The following DIAPH3 variants were observed in gnomAD, a reference collection of about 807,000 sequenced individuals.
The protein encoded by DIAPH3 is protein diaphanous homolog 3.
A neutral mutation model predicts 144.3 loss-of-function variants in DIAPH3; 117 were observed. The ratio of observed to expected loss-of-function variants is 0.81; its 90% confidence interval spans 0.70 to 0.95. The LOEUF is 0.95. Among genes scored for constraint, DIAPH3 ranks in the 40% least tolerant of loss-of-function variants. The probability of loss-of-function intolerance (pLI) is 0.00; values close to 1 mark genes in which losing one functional copy is unlikely to be tolerated. For missense variants in DIAPH3, 1,421 were observed against 1,412.7 expected (o/e 1.01, Z -0.09); for synonymous variants, 519 against 488.9 (o/e 1.06, Z -0.81).
intron 27 of DIAPH3, among the ~76,000 whole-genome samples, chr13:59,737,445 T>A (rs2036211880): frequency 6.6e-6 from 1 of 152,158 alleles, no homozygotes; most frequent in Non-Finnish European, 1.5e-5. Context: ...AAGCTAAGCA[T>A]CAGACATAGA....
intron 20 of DIAPH3, among the ~76,000 whole-genome samples, chr13:59,890,683 C>A (rs2045733852): frequency 6.6e-6 from 1 of 151,638 alleles, no homozygotes; most frequent in African/African-American, 2.4e-5. Context: ...CACATATATA[C>A]ATATATGTAT....
chr13:60,082,278 A>C (rs1361139455), intron 4 of DIAPH3, among the ~76,000 whole-genome samples: 1 of 151,854 alleles, frequency 6.6e-6, no homozygotes. Context: ...AATAAAGAAT[A>C]AGATAAAAAG....
chr13:59,931,535 A>G (rs2032436950), intron 17 of DIAPH3, among the ~76,000 whole-genome samples: 1 of 152,114 alleles, frequency 6.6e-6, no homozygotes, highest in South Asian at 2.1e-4. Context: ...CTCTTCCTCC[A>G]TTAGAAGATA....
intron 3 of DIAPH3, among the ~76,000 whole-genome samples, chr13:60,104,820 G>A (rs539372758): frequency 1.3e-5 from 2 of 152,118 alleles, no homozygotes; most frequent in South Asian, 2.1e-4. Flanking sequence ...GGCCAGGCGC[G>A]GTGGCTCACG....
intron 2 of DIAPH3, among the ~76,000 whole-genome samples, chr13:60,128,114 T>C (rs1408964026): frequency 1.3e-5 from 2 of 152,154 alleles, no homozygotes; most frequent in African/African-American, 2.4e-5. Context: ...TTTGTGTCCA[T>C]GTGTTCTCAT....
chr13:60,162,809 T>TCA (rs35687460), intron 1 of DIAPH3, among the ~76,000 whole-genome samples: 6,334 of 122,350 alleles, frequency 0.052, 176 homozygotes, highest in East Asian at 0.15. Flanking sequence ...TCTCTCTCTC[T>TCA]CACACACACA....
intron 27 of DIAPH3, among the ~76,000 whole-genome samples, chr13:59,733,501 A>C (rs1043014247): frequency 1.3e-5 from 2 of 152,236 alleles, no homozygotes; most frequent in South Asian, 4.1e-4. Flanking sequence ...GATTTCTGAA[A>C]AAAAGTCCTT....
At chr13:59,950,707 A>C (rs1309305667) in intron 17 of DIAPH3, among the ~76,000 whole-genome samples, 1 of 152,142 alleles carries the variant, frequency 6.6e-6, no homozygotes, top group Non-Finnish European at 1.5e-5. Flanking sequence ...TAATTATCCC[A>C]ATTAAAATCA....
intron 22 of DIAPH3, among the ~76,000 whole-genome samples, chr13:59,846,115 G>A (rs963745976): frequency 2.0e-5 from 3 of 151,878 alleles, no homozygotes; most frequent in South Asian, 4.1e-4. Flanking sequence ...AGTTAAAATC[G>A]AAACTATAAA....
chr13:60,029,894 G>C (rs553324679), intron 5 of DIAPH3, among the ~76,000 whole-genome samples: 1 of 152,076 alleles, frequency 6.6e-6, no homozygotes, highest in Non-Finnish European at 1.5e-5. Context: ...ACCCTACCAC[G>C]AGCTTTATGG....
intron 4 of DIAPH3, among the ~76,000 whole-genome samples, chr13:60,090,580 T>A (rs1278322335): frequency 6.6e-6 from 1 of 152,224 alleles, no homozygotes; most frequent in Non-Finnish European, 1.5e-5. Flanking sequence ...TTATCCTGTG[T>A]CCTTTTCATA....
chr13:59,729,236 T>C (rs1279943408), intron 27 of DIAPH3, among the ~76,000 whole-genome samples: 1 of 152,188 alleles, frequency 6.6e-6, no homozygotes, highest in Non-Finnish European at 1.5e-5. Context: ...AGCATGATCC[T>C]AGGTACGTAT....
intron 2 of DIAPH3, among the ~76,000 whole-genome samples, chr13:60,131,382 G>GTCATGA (rs2059132746): frequency 7.3e-6 from 1 of 136,374 alleles, no homozygotes; most frequent in Non-Finnish European, 1.5e-5. Context: ...ACTGCAGTGA[G>GTCATGA]TCATGATCAT....
intron 13 of DIAPH3, among the ~76,000 whole-genome samples, chr13:59,981,598 C>A (rs1156291611): frequency 1.3e-5 from 2 of 149,900 alleles, no homozygotes; most frequent in Admixed American, 1.3e-4. Flanking sequence ...TGATAGAATA[C>A]AATGTAGAAG....
intron 27 of DIAPH3, among the ~76,000 whole-genome samples, chr13:59,732,465 C>T (rs1399122510): frequency 3.3e-5 from 5 of 150,166 alleles, no homozygotes; most frequent in Non-Finnish European, 7.4e-5. Context: ...TTTTTTGAGA[C>T]AGAGTCTCAC....
chr13:59,879,537 G>A (rs2044868694), intron 20 of DIAPH3, 69 bp from the exon 21 acceptor site: 5 of 1,595,206 alleles, frequency 3.1e-6, no homozygotes, highest in Non-Finnish European at 4.3e-6. Flanking sequence ...ACGACTGCAA[G>A]TAATCTGGGA....
intron 3 of DIAPH3, among the ~76,000 whole-genome samples, chr13:60,101,899 TTCA>T (rs1362390781): frequency 1.3e-5 from 2 of 152,188 alleles, no homozygotes; most frequent in Non-Finnish European, 2.9e-5. Context: ...CCACTGTTGA[TTCA>T]TCAATTCTTA....
At chr13:59,802,498 CAT>C (rs1316326115) in intron 25 of DIAPH3, among the ~76,000 whole-genome samples, 1 of 148,354 alleles carries the variant, frequency 6.7e-6, no homozygotes, top group Non-Finnish European at 1.5e-5. Context: ...AACAATAACT[CAT>C]TATTTTTCAA....
intron 3 of DIAPH3, among the ~76,000 whole-genome samples, chr13:60,094,666 G>A (rs1383516666): frequency 6.6e-6 from 1 of 152,166 alleles, no homozygotes; most frequent in East Asian, 1.9e-4. Context: ...GATCACCTAT[G>A]GAGCCTAGCA....
Sources: allele counts gnomAD v4.1 joint callset (sites outside exome capture counted in the v4.1 genomes callset), GRCh38; gene constraint gnomAD v4.1.1; transcripts MANE v1.5; gene names NCBI Gene and HGNC (gene_info 2026-07-23, HGNC 2026-07-21).